Variants in ATF3 observed in about 807,000 individuals in gnomAD.
ATF3 encodes the protein activating transcription factor 3, also known as cyclic AMP-dependent transcription factor ATF-3.
A neutral mutation model predicts 18.4 loss-of-function variants in ATF3; 10 were observed. The ratio of observed to expected loss-of-function variants is 0.54; its 90% confidence interval spans 0.34 to 0.92. ATF3 has a LOEUF of 0.92. ATF3 is among the 40% of genes least tolerant of loss of function. The pLI, the probability that ATF3 is intolerant of heterozygous loss-of-function variation, is 0.02. For synonymous variants in ATF3, 78 were observed against 87.9 expected, an observed-to-expected ratio of 0.89 and a Z score of 0.63; for missense variants, 183 against 222.3, an observed-to-expected ratio of 0.82 and a Z score of 1.12.
At chr1:212,586,222 T>C (rs1411014942) in intron 1 of ATF3, among the ~76,000 whole-genome samples, 1 of 152,170 alleles carries the variant, frequency 6.6e-6, no homozygotes, top group Non-Finnish European at 1.5e-5. Context: ...TGGGGTTCCC[T>C]AATTTGTCAT....
At chr1:212,577,010 C>G (rs1052190223) in intron 1 of ATF3, among the ~76,000 whole-genome samples, 1 of 152,016 alleles carries the variant, frequency 6.6e-6, no homozygotes, top group Non-Finnish European at 1.5e-5. Context: ...GGATTACAGG[C>G]GTGAGCCACC....
chr1:212,597,476 A>G (rs1020888245), intron 1 of ATF3, among the ~76,000 whole-genome samples: 1 of 148,950 alleles, frequency 6.7e-6, no homozygotes, highest in Non-Finnish European at 1.5e-5. Flanking sequence ...CTAGCTAGCT[A>G]TCCATCCATT....
intron 1 of ATF3, among the ~76,000 whole-genome samples, chr1:212,588,619 A>G (rs1189393952): frequency 9.6e-6 from 1 of 104,400 alleles, no homozygotes; most frequent in Non-Finnish European, 2.1e-5. Context: ...TAAGGCTTAT[A>G]ATGAAAAAAC....
chr1:212,572,440 A>G (rs1203150004), intron 1 of ATF3, among the ~76,000 whole-genome samples: 1 of 152,048 alleles, frequency 6.6e-6, no homozygotes, highest in African/African-American at 2.4e-5. Context: ...GATGGCTTGA[A>G]CCCGGGAGGC....
At chr1:212,616,308 T>G (rs1464169047) in intron 2 of ATF3, among the ~76,000 whole-genome samples, 1 of 152,034 alleles carries the variant, frequency 6.6e-6, no homozygotes, top group African/African-American at 2.4e-5. Flanking sequence ...CACACACTTT[T>G]TTTTTTGAGA....
intron 1 of ATF3, among the ~76,000 whole-genome samples, chr1:212,582,576 ATGCC>A (rs1664703871): frequency 6.6e-6 from 1 of 152,212 alleles, no homozygotes; most frequent in Non-Finnish European, 1.5e-5. Context: ...CAGTAAAATA[ATGCC>A]TGAAAGAAGG....
At chr1:212,613,053 A>G (rs960108541) in intron 1 of ATF3, among the ~76,000 whole-genome samples, 3 of 152,220 alleles carry the variant, frequency 2.0e-5, no homozygotes, top group Admixed American at 2.0e-4. Flanking sequence ...GGGAGGTACA[A>G]TGATAACACA....
chr1:212,576,688 A>C (rs1398387849), intron 1 of ATF3, among the ~76,000 whole-genome samples: 1 of 150,046 alleles, frequency 6.7e-6, no homozygotes, highest in South Asian at 2.1e-4. Context: ...AAAGATAAAA[A>C]AGTTATTAAA....
At chr1:212,587,581 G>A (rs2102631154) in intron 1 of ATF3, among the ~76,000 whole-genome samples, 1 of 152,218 alleles carries the variant, frequency 6.6e-6, no homozygotes, top group South Asian at 2.1e-4. Context: ...TTGCTAACAC[G>A]GAAATACCCC....
chr1:212,610,451 A>G (rs1654849064), intron 1 of ATF3, among the ~76,000 whole-genome samples: 1 of 152,228 alleles, frequency 6.6e-6, no homozygotes, highest in Non-Finnish European at 1.5e-5. Flanking sequence ...GCTACAACAT[A>G]CAGGCTCCTG....
At chr1:212,596,054 T>C (rs1220651758) in intron 1 of ATF3, among the ~76,000 whole-genome samples, 3 of 152,238 alleles carry the variant, frequency 2.0e-5, no homozygotes, top group African/African-American at 7.2e-5. Context: ...AAAGTGACTG[T>C]GGGGTGTGGC....
chr1:212,576,721 CTTTTTT>C (rs57512671), intron 1 of ATF3, among the ~76,000 whole-genome samples: 66 of 57,302 alleles, frequency 1.2e-3, no homozygotes, highest in African/African-American at 4.1e-3. Flanking sequence ...CTTTTCTTTT[CTTTTTT>C]TTTTTTTTTT....
chr1:212,607,039 G>A (rs549959607), upstream of ATF3, among the ~76,000 whole-genome samples: 3 of 152,216 alleles, frequency 2.0e-5, no homozygotes, highest in Non-Finnish European at 4.4e-5. Context: ...GCAGGATCTC[G>A]GAGGATCCCG....
At chr1:212,605,592 T>A (rs1332832416), upstream of ATF3, among the ~76,000 whole-genome samples, 1 of 152,250 alleles carries the variant, frequency 6.6e-6, no homozygotes, top group Non-Finnish European at 1.5e-5. Flanking sequence ...TGCACTGAAC[T>A]AAGAAACTGC....
chr1:212,600,582 T>C (rs1321199831), intron 1 of ATF3, among the ~76,000 whole-genome samples: 5 of 152,256 alleles, frequency 3.3e-5, no homozygotes, highest in Non-Finnish European at 4.4e-5. Flanking sequence ...TTCATATGAC[T>C]TTCTCTATGC....
At chr1:212,603,776 A>ATGTGTGTGTGTGTG (rs145857442), upstream of ATF3, among the ~76,000 whole-genome samples, 5 of 149,486 alleles carry the variant, frequency 3.3e-5, no homozygotes, top group Admixed American at 1.3e-4. Flanking sequence ...GTGTATATAT[A>ATGTGTGTGTGTGTG]TGTGTGTGTG....
intron 1 of ATF3, among the ~76,000 whole-genome samples, chr1:212,592,096 T>C (rs573702666): frequency 1.1e-3 from 175 of 152,294 alleles, no homozygotes; most frequent in South Asian, 2.7e-3. Context: ...CCACCATCTG[T>C]CTCCAGAACA....
chr1:212,607,111 G>C (rs1245125459), upstream of ATF3, among the ~76,000 whole-genome samples: 1 of 152,240 alleles, frequency 6.6e-6, no homozygotes, highest in Non-Finnish European at 1.5e-5. Context: ...CGCCCTCCGC[G>C]TGTTCCCAGG....
chr1:212,590,390 A>G (rs1360271697), intron 1 of ATF3, among the ~76,000 whole-genome samples: 2 of 151,652 alleles, frequency 1.3e-5, no homozygotes, highest in East Asian at 1.9e-4. Context: ...TATTGCGCTA[A>G]GTGAAACTTG....
Sources: gnomAD v4.1 joint callset for allele counts (sites outside exome capture counted in the v4.1 genomes callset) on GRCh38, gnomAD v4.1.1 for gene constraint, MANE v1.5 for transcripts, NCBI Gene and HGNC (gene_info 2026-07-23, HGNC 2026-07-21) for gene names.